STAM2: variants seen among roughly 807,000 people sequenced by gnomAD.
STAM2 encodes signal transducing adapter molecule 2.
In STAM2, 51 loss-of-function variants were observed where a neutral mutation model predicts 65.6. The ratio of observed to expected loss-of-function variants is 0.78; its 90% CI spans 0.62 to 0.98. STAM2 has a LOEUF of 0.98. STAM2 is among the 50% of genes least tolerant of loss of function. The probability of loss-of-function intolerance (pLI) is 0.00; values close to 1 mark genes in which losing one functional copy is unlikely to be tolerated. For synonymous variants in STAM2, 198 were observed against 208.4 expected (o/e 0.95, Z 0.43); for missense variants, 584 against 617.8 (o/e 0.95, Z 0.58).
chr2:152,155,092 C>T (rs938534928), intron 1 of STAM2, among the ~76,000 whole-genome samples: 9 of 152,122 alleles, frequency 5.9e-5, no homozygotes, highest in Non-Finnish European at 8.8e-5. Context: ...CACATTCCAC[C>T]CCCAGAATGA....
At chr2:152,136,780 A>G (rs963017909) in intron 7 of STAM2, among the ~76,000 whole-genome samples, 1 of 152,276 alleles carries the variant, frequency 6.6e-6, no homozygotes, top group South Asian at 2.1e-4. Context: ...GTCTTTCACC[A>G]TTACAAAGAT....
In STAM2 at chr2:152,145,104, T is replaced by G. The variant is rs1689314373; in HGVS notation, c.448-147A>C. 9 of 663,738 alleles carry G rather than the reference T, an allele frequency of 1.4e-5. No individual in the cohort carries two copies. The Admixed American group carries it at 2.1e-4, about 15-fold the overall frequency. The allele number at this position is 663,738 out of a possible 1,614,324, so 41.1% of individuals were successfully genotyped here. On this transcript the variant is annotated intron_variant, in intron 5 of 13. Coordinates refer to ENST00000263904, the MANE Select transcript of STAM2 (RefSeq NM_005843.6). ...AGTTCTTTTTTGAGACAGGGTCTCA[T>G]TCTGTCAGCCAGGTTGCAGTGCATG... is the stretch of plus-strand genomic sequence containing the variant.
intron 1 of STAM2, among the ~76,000 whole-genome samples, chr2:152,152,824 T>A (rs1333132811): frequency 6.6e-6 from 1 of 152,160 alleles, no homozygotes; most frequent in South Asian, 2.1e-4. Flanking sequence ...ACCATATTCT[T>A]TAGGGATATA....
At chr2:152,125,597 G>A (rs542051350) in intron 12 of STAM2, among the ~76,000 whole-genome samples, 2 of 152,274 alleles carry the variant, frequency 1.3e-5, no homozygotes, top group East Asian at 3.9e-4. Flanking sequence ...AAAAGTACTG[G>A]AAAAAGATGG....
At position 152,175,653 on chromosome 2, in the gene STAM2, C is replaced by A. The variant is rs753364987; in HGVS notation, c.-11G>T. The A allele has an allele frequency of 1.9e-6, 3 of 1,611,124 alleles. No individual in the cohort carries two copies. In the East Asian group the frequency reaches 6.7e-5, roughly 36 times the overall value. ...GGTGAACAAAGGCATCTCGCCGGCG[C>A]CCGAGCCCTAGTCGCTGCTGTCTAG... On this transcript the variant is annotated 5_prime_UTR_variant, in exon 1 of 14. Coordinates refer to ENST00000263904, the MANE Select transcript of STAM2 (RefSeq NM_005843.6).
intron 12 of STAM2, chr2:152,124,136 G>C (rs1002441205): frequency 3.7e-6 from 2 of 536,954 alleles, no homozygotes; most frequent in South Asian, 2.6e-5. Flanking sequence ...TGATTTGTTT[G>C]GCTGTTCTTT....
At position 152,120,748 on chromosome 2, in the gene STAM2, T is replaced by C. The variant is rs776290367; in HGVS notation, c.1404A>G (p.Leu468=). 7 of 1,614,052 alleles carry C rather than the reference T, an allele frequency of 4.3e-6. No individual in the cohort carries two copies. In the African/African-American group the frequency reaches 8.0e-5, roughly 18 times the overall value. The change falls in exon 14 of 14, where the codon CTA becomes CTG. Residue 468 remains leucine, a synonymous_variant. Coordinates refer to ENST00000263904, the MANE Select transcript of STAM2 (RefSeq NM_005843.6). ...NPTYMNQNSN[L]QSATGTTAYT... ...AAGCAGTTGTACCAGTAGCTGACTG[T>C]AGGTTAGAGTTCTGGTTCATATAAG...
chr2:152,168,423 G>C (rs1268189432), intron 1 of STAM2, among the ~76,000 whole-genome samples: 1 of 152,070 alleles, frequency 6.6e-6, no homozygotes, highest in Non-Finnish European at 1.5e-5. Flanking sequence ...CTCCCAAAGT[G>C]CTGGGATTAT....
At chr2:152,168,538 C>T (rs1374662385) in intron 1 of STAM2, among the ~76,000 whole-genome samples, 1 of 152,194 alleles carries the variant, frequency 6.6e-6, no homozygotes, top group African/African-American at 2.4e-5. Context: ...CCTAACTACA[C>T]TGCTATAGTA....
chr2:152,137,185 G>A (rs1208442307), intron 7 of STAM2, among the ~76,000 whole-genome samples: 1 of 151,984 alleles, frequency 6.6e-6, no homozygotes, highest in Non-Finnish European at 1.5e-5. Flanking sequence ...ACCGCACCCG[G>A]CCATAAGCAT....
At chr2:152,171,802 AG>A (rs1360508936) in intron 1 of STAM2, among the ~76,000 whole-genome samples, 2 of 152,260 alleles carry the variant, frequency 1.3e-5, no homozygotes, top group Non-Finnish European at 2.9e-5. Context: ...GGAAATACCA[AG>A]GTTGAAAAGA....
chr2:152,143,205 T>C (rs1249339799), intron 7 of STAM2, among the ~76,000 whole-genome samples: 1 of 152,208 alleles, frequency 6.6e-6, no homozygotes, highest in Non-Finnish European at 1.5e-5. Context: ...ACTAGAAATA[T>C]ATTAGACTAG....
chr2:152,124,081 A>G (rs1047753213), intron 12 of STAM2, 146 bp from the exon 13 acceptor site: 9 of 653,248 alleles, frequency 1.4e-5, no homozygotes, highest in Non-Finnish European at 2.3e-5. Context: ...TCTTAGAACT[A>G]AAAGTGGAGA....
chr2:152,165,207 T>G (rs1253529893), intron 1 of STAM2, among the ~76,000 whole-genome samples: 1 of 151,602 alleles, frequency 6.6e-6, no homozygotes, highest in Non-Finnish European at 1.5e-5. Context: ...GGGCAGATCA[T>G]GAGGTCAGGA....
chr2:152,120,868 A>G (rs1286245075), intron 13 of STAM2, 66 bp from the exon 14 acceptor site: 6 of 1,282,168 alleles, frequency 4.7e-6, no homozygotes, highest in African/African-American at 1.5e-5. Context: ...GAGATCAATC[A>G]TCATGACAAA....
chr2:152,147,972 C>A (rs997128755), intron 4 of STAM2, 52 bp downstream of exon 4: 8 of 1,346,102 alleles, frequency 5.9e-6, no homozygotes, highest in Non-Finnish European at 8.4e-6. Context: ...TATAATGACA[C>A]ACAATCTACA....
Position 152,147,355 on chromosome 2 carries a change from A to G in STAM2, c.301-47T>C, listed in dbSNP as rs779068871. ...AAATAAACAAAAATCTACGGTTAAA[A>G]TAAGTACTTAAATTATTTAACAAGG... is the stretch of plus-strand genomic sequence containing the variant. On this transcript the variant is annotated intron_variant, in intron 4 of 13. Coordinates refer to ENST00000263904, the MANE Select transcript of STAM2 (RefSeq NM_005843.6). 116 of 1,468,116 alleles carry G rather than the reference A, an allele frequency of 7.9e-5. 1 individual carries two copies. The South Asian group carries it at 1.5e-3, about 18-fold the overall frequency. The allele number at this position is 1,468,116 out of a possible 1,614,324, so 90.9% of individuals were successfully genotyped here.
At chr2:152,172,592 G>A (rs761372135) in intron 1 of STAM2, among the ~76,000 whole-genome samples, 56 of 152,120 alleles carry the variant, frequency 3.7e-4, no homozygotes, top group South Asian at 2.1e-4. Context: ...GAGGAGGCTG[G>A]GCACAGTGGC....
intron 12 of STAM2, chr2:152,124,270 T>C: frequency 5.0e-6 from 1 of 200,170 alleles, no homozygotes; most frequent in South Asian, 1.1e-4. Context: ...AACTATACAC[T>C]CCCTTGAAGG....
Sources: gnomAD v4.1 joint callset for allele counts (sites outside exome capture counted in the v4.1 genomes callset) on GRCh38, gnomAD v4.1.1 for gene constraint, MANE v1.5 for transcripts, NCBI Gene and HGNC (gene_info 2026-07-23, HGNC 2026-07-21) for gene names.